The following BANK1 variants were observed in gnomAD, a reference collection of about 807,000 sequenced individuals.
BANK1 encodes the protein B cell scaffold protein with ankyrin repeats 1, also known as B-cell scaffold protein with ankyrin repeats.
Under a neutral mutation model 94.5 loss-of-function variants are expected in BANK1, and 95 were observed. That is an observed-to-expected ratio of 1.00 (90% CI 0.85 to 1.19). The LOEUF (loss-of-function observed/expected upper bound fraction) is 1.19. Among genes scored for constraint, BANK1 ranks in the 50% most tolerant of loss-of-function variants. The pLI, the probability that BANK1 is intolerant of heterozygous loss-of-function variation, is 0.00. For missense variants in BANK1, 987 were observed against 932.2 expected (o/e 1.06, Z -0.77); for synonymous variants, 334 against 308.4 (o/e 1.08, Z -0.87).
chr4:101,995,065 A>G (rs1725831055), intron 7 of BANK1, among the ~76,000 whole-genome samples: 2 of 152,104 alleles, frequency 1.3e-5, no homozygotes, highest in Non-Finnish European at 2.9e-5. Context: ...CGTCATCTAC[A>G]TTAGGTATTT....
At chr4:102,004,712 T>G (rs1205317638) in intron 7 of BANK1, among the ~76,000 whole-genome samples, 2 of 152,188 alleles carry the variant, frequency 1.3e-5, no homozygotes, top group Non-Finnish European at 2.9e-5. Flanking sequence ...ATGAGAGTTG[T>G]TACTCCCAAA....
At chr4:101,908,998 G>T (rs961698266) in intron 6 of BANK1, among the ~76,000 whole-genome samples, 1 of 152,172 alleles carries the variant, frequency 6.6e-6, no homozygotes. Context: ...AGACAGTGTG[G>T]TGATTCCTCA....
At chr4:101,985,162 A>T (rs562718063) in intron 7 of BANK1, among the ~76,000 whole-genome samples, 1 of 152,242 alleles carries the variant, frequency 6.6e-6, no homozygotes, top group East Asian at 1.9e-4. Context: ...CAATGGTGTA[A>T]GTTCCAATTC....
intron 7 of BANK1, among the ~76,000 whole-genome samples, chr4:101,945,624 G>C (rs1053870815): frequency 6.6e-6 from 1 of 151,806 alleles, no homozygotes; most frequent in African/African-American, 2.4e-5. Context: ...TGAACATGTG[G>C]GCTACATGTT....
chr4:101,826,664 A>G (rs1018870416), intron 1 of BANK1, among the ~76,000 whole-genome samples: 1 of 151,988 alleles, frequency 6.6e-6, no homozygotes, highest in African/African-American at 2.4e-5. Context: ...AGGCTAGATG[A>G]GATACTACAC....
chr4:101,948,581 C>T lies in BANK1; in HGVS notation c.1206+30392C>T, dbSNP rs1578415177. On this transcript the variant is annotated intron_variant, in intron 7 of 16. Transcript: ENST00000322953. The stretch of plus-strand genomic sequence containing the variant: ...AATGACTCTGTTTTTTATATTTTCT[C>T]CCCACCCTTTTTCTTCTATCTAAAA... 2.6e-5 allele frequency among the ~76,000 whole-genome samples: 4 copies of T among 152,192 alleles called. No homozygotes were observed. The East Asian group carries it at 5.8e-4, about 22-fold the overall frequency.
At chr4:101,981,931 T>G (rs1278351900) in intron 7 of BANK1, 2 of 152,148 alleles carry the variant, frequency 1.3e-5, no homozygotes, top group African/African-American at 4.8e-5. Context: ...GTCTGCTTTT[T>G]GAAGCTAAAC....
chr4:101,952,721 TC>T (rs1459045042), intron 7 of BANK1, among the ~76,000 whole-genome samples: 1 of 151,940 alleles, frequency 6.6e-6, no homozygotes, highest in African/African-American at 2.4e-5. Flanking sequence ...GAGGCAGGAG[TC>T]GTATGCTGGG....
At chr4:101,797,092 A>C (rs1390910346) in intron 1 of BANK1, among the ~76,000 whole-genome samples, 1 of 152,158 alleles carries the variant, frequency 6.6e-6, no homozygotes, top group Non-Finnish European at 1.5e-5. Flanking sequence ...ATGGAGTAGA[A>C]AGTATAGTAT....
At chr4:101,869,519 T>G (rs1376709787) in intron 4 of BANK1, among the ~76,000 whole-genome samples, 2 of 151,940 alleles carry the variant, frequency 1.3e-5, no homozygotes, top group African/African-American at 4.8e-5. Context: ...TTGACCTAGT[T>G]AAGCTTAAGA....
At chr4:101,919,979 T>C (rs1160987979) in intron 7 of BANK1, among the ~76,000 whole-genome samples, 1 of 152,016 alleles carries the variant, frequency 6.6e-6, no homozygotes. Flanking sequence ...ATATGACACA[T>C]AAATTATTCT....
chr4:101,835,214 C>T (rs1726777266), intron 2 of BANK1, among the ~76,000 whole-genome samples: 1 of 152,182 alleles, frequency 6.6e-6, no homozygotes, highest in African/African-American at 2.4e-5. Flanking sequence ...ATAAGCTGAT[C>T]TGAAATTGTT....
chr4:101,935,464 A>G (rs1215897412), intron 7 of BANK1, among the ~76,000 whole-genome samples: 2 of 151,450 alleles, frequency 1.3e-5, no homozygotes, highest in South Asian at 4.1e-4. Context: ...TTAACCCAAG[A>G]CCCATAATCT....
chr4:102,006,981 AAAG>A (rs1726280804), intron 7 of BANK1, among the ~76,000 whole-genome samples: 1 of 145,590 alleles, frequency 6.9e-6, no homozygotes, highest in Non-Finnish European at 1.5e-5. Context: ...AAGTAAAAAA[AAAG>A]AAAGGAAGCA....
Position 101,983,493 on chromosome 4 carries a change from G to A in BANK1, c.1207-38021G>A, listed in dbSNP as rs377238389. Among the ~76,000 whole-genome samples the A allele has an allele frequency of 1.3e-4, 20 of 152,144 alleles. No individual in the cohort carries two copies. In the East Asian group the frequency reaches 1.9e-3, roughly 15 times the overall value. ...TTTGTTCAAAACAAACTGTTGTGAG[G>A]ATAAAGTGAGTTAATGTAATAAAGT... On this transcript the variant is annotated intron_variant, in intron 7 of 16. Transcript: ENST00000322953.
intron 5 of BANK1, among the ~76,000 whole-genome samples, chr4:101,874,591 T>C (rs971167246): frequency 7.2e-5 from 11 of 152,146 alleles, no homozygotes; most frequent in Admixed American, 1.3e-4. Flanking sequence ...GCTACAAACT[T>C]TCAGTGGCTT....
At chr4:102,021,423 A>G in intron 7 of BANK1, 91 bp from the exon 8 acceptor site, 1 of 484,114 alleles carries the variant, frequency 2.1e-6, no homozygotes, top group South Asian at 4.1e-5. Flanking sequence ...TAATATTTAA[A>G]TAAAAACAAA....
At chr4:101,877,239 A>G (rs945398916) in intron 5 of BANK1, among the ~76,000 whole-genome samples, 6 of 152,310 alleles carry the variant, frequency 3.9e-5, no homozygotes, top group East Asian at 3.9e-4. Flanking sequence ...AAAGAAGACT[A>G]CCTCAAGGCA....
intron 13 of BANK1, among the ~76,000 whole-genome samples, chr4:102,069,300 G>A (rs555937053): frequency 1.3e-5 from 2 of 152,282 alleles, no homozygotes; most frequent in South Asian, 2.1e-4. Flanking sequence ...AGGCAGTGAC[G>A]GCCCAGCATC....
Sources: gnomAD v4.1 joint callset for allele counts (sites outside exome capture counted in the v4.1 genomes callset) on GRCh38, gnomAD v4.1.1 for gene constraint, MANE v1.5 for transcripts, NCBI Gene and HGNC (gene_info 2026-07-23, HGNC 2026-07-21) for gene names.